PLAAT2: variants seen among roughly 807,000 people sequenced by gnomAD.
PLAAT2 encodes the protein phospholipase A and acyltransferase 2, also known as HRAS like suppressor 2.
A neutral mutation model predicts 12.8 loss-of-function variants in PLAAT2; 12 were observed. That is an observed-to-expected ratio of 0.94 (90% CI 0.60 to 1.52). The LOEUF (loss-of-function observed/expected upper bound fraction) is 1.52, where lower values mean the gene tolerates loss of function less well. PLAAT2 is among the 40% of genes most tolerant of loss of function. PLAAT2 has a pLI of 0.00. For missense variants in PLAAT2, 166 were observed against 208.1 expected (o/e 0.80, Z 1.24); for synonymous variants, 79 against 86.8 (o/e 0.91, Z 0.50).
At chr11:63,556,687 C>G (rs2017469424) in intron 3 of PLAAT2, among the ~76,000 whole-genome samples, 1 of 152,178 alleles carries the variant, frequency 6.6e-6, no homozygotes, top group African/African-American at 2.4e-5. Context: ...TTACCCATCT[C>G]CCCTTTTTAT....
intron 1 of PLAAT2, among the ~76,000 whole-genome samples, chr11:63,563,059 G>A (rs1590672241): frequency 6.6e-6 from 1 of 152,306 alleles, no homozygotes; most frequent in South Asian, 2.1e-4. Context: ...AGGAGGGCTT[G>A]GAAAAGCATA....
chr11:63,563,799 A>G (rs1408212115), upstream of PLAAT2, among the ~76,000 whole-genome samples: 2 of 151,984 alleles, frequency 1.3e-5, no homozygotes, highest in African/African-American at 4.8e-5. Context: ...CAGAGCACAT[A>G]TCAAGTAGGC....
At chr11:63,564,112 C>T (rs1014432897), upstream of PLAAT2, among the ~76,000 whole-genome samples, 1 of 152,272 alleles carries the variant, frequency 6.6e-6, no homozygotes, top group African/African-American at 2.4e-5. Context: ...CTAGAAAAAT[C>T]GTATTATTGG....
chr11:63,555,074 G>A (rs901412104), intron 3 of PLAAT2, among the ~76,000 whole-genome samples: 1 of 152,190 alleles, frequency 6.6e-6, no homozygotes, highest in Non-Finnish European at 1.5e-5. Context: ...TATTACAAAG[G>A]ATTAGTCCCT....
In PLAAT2 at chr11:63,558,468, A is replaced by G. The variant is rs995599513; in HGVS notation, c.311T>C (p.Leu104Ser). 4.3e-6 allele frequency: 7 copies of G among 1,614,202 alleles called. No homozygotes were observed. The highest frequency in any genetic ancestry group is 5.9e-6 in the Non-Finnish European group (7 of 1,180,032). ...KRAEELVGQE[L>S]PYSLTSDNCE... ...GTTGTCACTGGTCAGCGAATAAGGC[A>G]ACTCCTGCCCCACCAACTCCTCTGC... Residue 104 changes from leucine to serine, a missense_variant, in exon 3 of 4, where the codon TTG becomes TCG. Coordinates refer to ENST00000255695, the MANE Select transcript of PLAAT2 (RefSeq NM_017878.2).
At chr11:63,557,301 G>A (rs1236986384) in intron 3 of PLAAT2, among the ~76,000 whole-genome samples, 1 of 152,096 alleles carries the variant, frequency 6.6e-6, no homozygotes, top group African/African-American at 2.4e-5. Context: ...CGAGTCAAGG[G>A]GATTGCTTGA....
intron 3 of PLAAT2, among the ~76,000 whole-genome samples, chr11:63,554,859 C>T (rs372996155): frequency 6.6e-6 from 1 of 152,316 alleles, no homozygotes; most frequent in East Asian, 1.9e-4. Flanking sequence ...TATTCAAATA[C>T]ACTCAGAATT....
intron 1 of PLAAT2, among the ~76,000 whole-genome samples, chr11:63,561,163 A>T (rs117951858): frequency 2.5e-3 from 374 of 152,340 alleles, no homozygotes; most frequent in Non-Finnish European, 4.5e-3. Context: ...AAAGCCTTTC[A>T]TTTGAAGTAA....
chr11:63,561,232 A>G (rs1305703780), intron 1 of PLAAT2, among the ~76,000 whole-genome samples: 1 of 152,194 alleles, frequency 6.6e-6, no homozygotes, highest in Non-Finnish European at 1.5e-5. Context: ...GGAAAATCAA[A>G]CATCCTATGT....
At position 63,552,964 on chromosome 11, in the gene PLAAT2, T is replaced by G; in HGVS notation, c.489A>C (p.Ter163TyrextTer27). The G allele has an allele frequency of 6.2e-7, 1 of 1,609,768 alleles. No individual in the cohort carries two copies. Residue 163 changes from the stop codon to tyrosine, a stop_lost, in exon 4 of 4, where the codon TAA becomes TAC. Transcript: ENST00000255695. ...TGGTTGTTGGGACAATTTCTTGGAT[T>G]TATTGCCTTTCCCGCTTGCTTCTGG... Reference protein sequence around the residue: ...LLARSKRERQ* With the variant: ...LLARSKRERQY
rs1031972677 is a variant in PLAAT2, at chr11:63,558,574, C to A, written c.205G>T (p.Ala69Ser). ...TTGACCCTGTAGTTGTCTCCCCCAGCCACCACAGACAGCAGTTCCTTCTTC... is the reference window on the plus strand; with the variant it reads ...TTGACCCTGTAGTTGTCTCCCCCAGACACCACAGACAGCAGTTCCTTCTTC... Reference protein sequence around the residue: ...IVKKELLSVVAGGDNYRVNNK... With the variant: ...IVKKELLSVVSGGDNYRVNNK... Residue 69 changes from alanine to serine, a missense_variant, in exon 3 of 4, where the codon GCT (alanine) becomes TCT (serine). Physicochemically the swap from Ala to Ser is moderately conservative, Grantham distance 99 (BLOSUM62 1). Transcript: ENST00000255695. The A allele has an allele frequency of 3.1e-6, 5 of 1,614,120 alleles. No individual in the cohort carries two copies. The highest frequency in any genetic ancestry group is 4.2e-6 in the Non-Finnish European group (5 of 1,180,052).
At chr11:63,562,373 C>A (rs2017526423) in intron 1 of PLAAT2, among the ~76,000 whole-genome samples, 1 of 152,128 alleles carries the variant, frequency 6.6e-6, no homozygotes, top group African/African-American at 2.4e-5. Context: ...CTCAGCCTCC[C>A]AAGAAGCTAG....
At chr11:63,564,339 T>A (rs2017545186), upstream of PLAAT2, among the ~76,000 whole-genome samples, 1 of 147,934 alleles carries the variant, frequency 6.8e-6, no homozygotes, top group Non-Finnish European at 1.5e-5. Context: ...GTCATCTACA[T>A]ATAGTTGTCC....
At chr11:63,559,178 C>A (rs1238851981) in intron 2 of PLAAT2, among the ~76,000 whole-genome samples, 1 of 152,182 alleles carries the variant, frequency 6.6e-6, no homozygotes, top group Non-Finnish European at 1.5e-5. Context: ...GCAGCACATA[C>A]CTGTAATTCT....
intron 2 of PLAAT2, 31 bp downstream of exon 2, chr11:63,560,054 C>G (rs779833992): frequency 5.0e-5 from 72 of 1,444,244 alleles, no homozygotes; most frequent in Non-Finnish European, 6.7e-5. Context: ...TGATCTTAAC[C>G]CTTGTGCTTA....
chr11:63,561,539 G>A (rs2017518315), intron 1 of PLAAT2, among the ~76,000 whole-genome samples: 1 of 151,472 alleles, frequency 6.6e-6, no homozygotes, highest in Non-Finnish European at 1.5e-5. Context: ...CACCCACTTG[G>A]GAGGCTGAGG....
intron 1 of PLAAT2, 76 bp downstream of exon 1, chr11:63,563,240 A>T (rs893383501): frequency 6.4e-7 from 1 of 1,568,644 alleles, no homozygotes; most frequent in Non-Finnish European, 8.8e-7. Context: ...GTAGACCAAC[A>T]AGAATACACA....
At chr11:63,557,606 T>G (rs1487412769) in intron 3 of PLAAT2, among the ~76,000 whole-genome samples, 1 of 152,124 alleles carries the variant, frequency 6.6e-6, no homozygotes, top group Non-Finnish European at 1.5e-5. Flanking sequence ...ATCCAACCTG[T>G]GAACTATTTT....
At chr11:63,562,006 T>A (rs1356201116) in intron 1 of PLAAT2, among the ~76,000 whole-genome samples, 1 of 152,158 alleles carries the variant, frequency 6.6e-6, no homozygotes, top group Non-Finnish European at 1.5e-5. Flanking sequence ...TTCCAAAAGC[T>A]GGTAAATAAA....
Sources: allele counts gnomAD v4.1 joint callset (sites outside exome capture counted in the v4.1 genomes callset), GRCh38; gene constraint gnomAD v4.1.1; transcripts MANE v1.5; gene names NCBI Gene and HGNC (gene_info 2026-07-23, HGNC 2026-07-21).